The following VWA3B variants were observed in gnomAD, a reference collection of about 807,000 sequenced individuals.
VWA3B encodes von Willebrand factor A domain-containing protein 3B.
VWA3B carries 138 observed loss-of-function variants against 158.3 expected under a neutral mutation model. That is an observed-to-expected ratio of 0.87 (90% CI 0.76 to 1.00). The LOEUF (loss-of-function observed/expected upper bound fraction) is 1.00, where lower values mean the gene tolerates loss of function less well. VWA3B is among the 50% of genes least tolerant of loss of function. VWA3B has a pLI of 0.00. For synonymous variants in VWA3B, 596 were observed against 587.3 expected, an observed-to-expected ratio of 1.01 and a Z score of -0.21; for missense variants, 1,555 against 1,565.1, an observed-to-expected ratio of 0.99 and a Z score of 0.11.
At chr2:98,245,383 T>C (rs2105777634) in intron 19 of VWA3B, 1 of 368,752 alleles carries the variant, frequency 2.7e-6, no homozygotes, top group Admixed American at 3.5e-5. Context: ...ACACTAAATT[T>C]GACATCATAA....
chr2:98,159,305 G>T (rs915610347), intron 7 of VWA3B, among the ~76,000 whole-genome samples: 1 of 152,080 alleles, frequency 6.6e-6, no homozygotes, highest in South Asian at 2.1e-4. Context: ...TGTCACCCAG[G>T]CTGGAGTGCA....
chr2:98,128,075 C>T, intron 5 of VWA3B, 164 bp from the exon 6 acceptor site: 1 of 757,878 alleles, frequency 1.3e-6, no homozygotes, highest in East Asian at 2.5e-5. Flanking sequence ...GAATATCTCA[C>T]TTCCTGACTG....
intron 2 of VWA3B, among the ~76,000 whole-genome samples, chr2:98,112,687 T>A (rs1007215894): frequency 2.0e-5 from 3 of 152,050 alleles, no homozygotes; most frequent in African/African-American, 2.4e-5. Flanking sequence ...GGGTTTTTTT[T>A]AATCAAATCT....
intron 5 of VWA3B, among the ~76,000 whole-genome samples, chr2:98,121,661 G>C (rs1402787586): frequency 6.6e-6 from 1 of 152,108 alleles, no homozygotes; most frequent in East Asian, 1.9e-4. Flanking sequence ...CCTGAACCTG[G>C]CTAGGCTCCC....
chr2:98,246,945 G>C (rs1338120921), intron 19 of VWA3B, among the ~76,000 whole-genome samples: 1 of 151,822 alleles, frequency 6.6e-6, no homozygotes, highest in Non-Finnish European at 1.5e-5. Context: ...ATTTTTAAAT[G>C]ATCACTGCTT....
intron 17 of VWA3B, among the ~76,000 whole-genome samples, chr2:98,235,759 T>C (rs941585026): frequency 9.2e-5 from 14 of 152,208 alleles, no homozygotes; most frequent in African/African-American, 3.1e-4. Flanking sequence ...GTTGTCTACA[T>C]GCACATTCCT....
At chr2:98,268,309 G>T (rs1373292182) in intron 21 of VWA3B, among the ~76,000 whole-genome samples, 1 of 152,014 alleles carries the variant, frequency 6.6e-6, no homozygotes, top group Non-Finnish European at 1.5e-5. Context: ...CTGGCAAAAT[G>T]AATCCAGCAG....
At chr2:98,317,788 C>A (rs1691121121), downstream of VWA3B, among the ~76,000 whole-genome samples, 1 of 152,166 alleles carries the variant, frequency 6.6e-6, no homozygotes, top group Non-Finnish European at 1.5e-5. Context: ...AGGCACATGT[C>A]CTCAGGATCT....
chr2:98,297,292 G>A (rs1474287641), intron 23 of VWA3B, among the ~76,000 whole-genome samples: 1 of 152,016 alleles, frequency 6.6e-6, no homozygotes, highest in African/African-American at 2.4e-5. Context: ...ATGTTAGCCA[G>A]GCTGGTCTTG....
chr2:98,211,914 T>C lies in VWA3B; in HGVS notation c.1738-16T>C. The C allele has an allele frequency of 6.2e-7, 1 of 1,611,448 alleles. No individual in the cohort carries two copies. Among genetic ancestry groups the C allele is most frequent in the Non-Finnish European group, 8.5e-7 (1 of 1,178,034 alleles). On this transcript the variant is annotated splice_polypyrimidine_tract_variant and intron_variant, in intron 12 of 27. Transcript: ENST00000477737. ...TTGGGATTCAAGTGTGTCCTTGGTG[T>C]CTCTTTTTTCCGTAGATTGGAAGCT...
chr2:98,160,441 G>A (rs943330479), intron 7 of VWA3B, among the ~76,000 whole-genome samples: 16 of 152,278 alleles, frequency 1.1e-4, no homozygotes, highest in African/African-American at 3.6e-4. Flanking sequence ...GACTGGGGTA[G>A]TGATAATCCT....
At chr2:98,236,503 A>T (rs764473771) in intron 18 of VWA3B, 26 bp downstream of exon 18, 3 of 1,613,990 alleles carry the variant, frequency 1.9e-6, no homozygotes, top group East Asian at 4.5e-5. Flanking sequence ...TGACAAAGAC[A>T]GTTCTGTTAT....
chr2:98,271,195 A>G (rs897826359), intron 22 of VWA3B, among the ~76,000 whole-genome samples: 7 of 152,162 alleles, frequency 4.6e-5, no homozygotes, highest in East Asian at 3.9e-4. Context: ...CAGATCTACC[A>G]TCTAACCTGT....
At chr2:98,211,163 T>C (rs1273078495) in intron 12 of VWA3B, among the ~76,000 whole-genome samples, 1 of 152,190 alleles carries the variant, frequency 6.6e-6, no homozygotes, top group African/African-American at 2.4e-5. Context: ...CAATGTCCTT[T>C]ATCATAAATT....
rs746669116 is a variant in VWA3B, at chr2:98,181,152, C to T, written c.1251C>T (p.His417=). 21 of 1,614,086 alleles carry T rather than the reference C, an allele frequency of 1.3e-5. No individual in the cohort carries two copies. The highest frequency in any genetic ancestry group is 6.7e-5 in the East Asian group (3 of 44,894). ...TGCTTGCCGACTGCTCTTTCCGCCA[C>T]GCTGATGGGGTTGTGGATATAAAAG... ...YDVLADCSFR[H]ADGVVDIKAK... The change falls in exon 9 of 28, where the codon CAC becomes CAT. Residue 417 remains histidine, a synonymous_variant. Transcript: ENST00000477737.
intron 23 of VWA3B, among the ~76,000 whole-genome samples, chr2:98,296,887 A>G (rs1297917583): frequency 6.6e-6 from 1 of 150,928 alleles, no homozygotes; most frequent in Non-Finnish European, 1.5e-5. Flanking sequence ...TATATTAATT[A>G]AAATGTATAA....
chr2:98,154,794 C>T (rs963293053), intron 7 of VWA3B, among the ~76,000 whole-genome samples: 8 of 152,162 alleles, frequency 5.3e-5, no homozygotes, highest in Non-Finnish European at 8.8e-5. Context: ...TGCAGATTTC[C>T]GACTGCATTT....
chr2:98,325,797 C>T, the VWA3B span, among the ~76,000 whole-genome samples: 1 of 152,174 alleles, frequency 6.6e-6, no homozygotes, highest in Non-Finnish European at 1.5e-5. Flanking sequence ...TTTCTCTCAA[C>T]ACTTCCTAGA....
chr2:98,211,397 A>G (rs762069711), intron 12 of VWA3B, among the ~76,000 whole-genome samples: 5 of 152,186 alleles, frequency 3.3e-5, no homozygotes, highest in Non-Finnish European at 5.9e-5. Flanking sequence ...TATATTGATG[A>G]AGTATTCAAG....
Sources: gnomAD v4.1 joint callset for allele counts (sites outside exome capture counted in the v4.1 genomes callset) on GRCh38, gnomAD v4.1.1 for gene constraint, MANE v1.5 for transcripts, NCBI Gene and HGNC (gene_info 2026-07-23, HGNC 2026-07-21) for gene names.